Variants in SNTG1 observed in about 807,000 individuals in gnomAD.
SNTG1 encodes the protein gamma-1-syntrophin.
A neutral mutation model predicts 74.7 loss-of-function variants in SNTG1; 39 were observed. That is an observed-to-expected ratio of 0.52 (90% confidence interval 0.40 to 0.68). The LOEUF (loss-of-function observed/expected upper bound fraction) is 0.68, where lower values mean the gene tolerates loss of function less well. SNTG1 is among the 30% of genes least tolerant of loss of function. The probability of loss-of-function intolerance (pLI) is 0.00; values close to 1 mark genes in which losing one functional copy is unlikely to be tolerated. For synonymous variants in SNTG1, 254 were observed against 217.1 expected (o/e 1.17, Z -1.49); for missense variants, 685 against 609.5 (o/e 1.12, Z -1.30).
At chr8:50,020,255 A>T (rs1229142371) in intron 1 of SNTG1, among the ~76,000 whole-genome samples, 2 of 152,154 alleles carry the variant, frequency 1.3e-5, no homozygotes, top group African/African-American at 2.4e-5. Flanking sequence ...ATTAGAGAAG[A>T]TAACGCTTCC....
intron 2 of SNTG1, among the ~76,000 whole-genome samples, chr8:50,267,417 A>T (rs1307913442): frequency 2.6e-5 from 4 of 152,198 alleles, no homozygotes; most frequent in African/African-American, 9.6e-5. Context: ...AAGATATTCA[A>T]CATCGCCAGT....
chr8:50,426,159 A>G (rs1247616515), intron 4 of SNTG1, among the ~76,000 whole-genome samples: 1 of 152,138 alleles, frequency 6.6e-6, no homozygotes, highest in African/African-American at 2.4e-5. Flanking sequence ...TCCATAGTGT[A>G]TTTAGATTTT....
chr8:50,137,327 G>A (rs961381671), intron 1 of SNTG1, among the ~76,000 whole-genome samples: 7 of 152,052 alleles, frequency 4.6e-5, no homozygotes, highest in African/African-American at 1.4e-4. Flanking sequence ...CTGATGGGAC[G>A]CTCTGAGTCC....
At chr8:50,307,311 C>A (rs1322761762) in intron 2 of SNTG1, among the ~76,000 whole-genome samples, 1 of 151,810 alleles carries the variant, frequency 6.6e-6, no homozygotes, top group Non-Finnish European at 1.5e-5. Context: ...GTGATTGTAC[C>A]TAGGGTTATA....
Position 50,462,793 on chromosome 8 carries a change from ACT to A in SNTG1, c.363+12067_363+12068del, listed in dbSNP as rs770262781. On this transcript the variant is annotated intron_variant, in intron 8 of 18. Coordinates refer to ENST00000642720, the MANE Select transcript of SNTG1 (RefSeq NM_018967.5). ...CAACTCAGTCGCATCTTCAGGTTCT[ACT>A]CTTTTTTTTTTTTTTTTTTTTTTTT... 4.7e-4 allele frequency among the ~76,000 whole-genome samples: 9 copies of A among 18,988 alleles called. 1 individual carries two copies. Among genetic ancestry groups the A allele is most frequent in the East Asian group, 3.1e-3 (1 of 320 alleles). The allele number at this position is 18,988 out of a possible 152,430, so 12.5% of individuals were successfully genotyped here.
intron 15 of SNTG1, among the ~76,000 whole-genome samples, chr8:50,660,925 G>C (rs1462710720): frequency 6.6e-6 from 1 of 151,952 alleles, no homozygotes; most frequent in Non-Finnish European, 1.5e-5. Flanking sequence ...GACAGTTAAT[G>C]TTCCTTAAAA....
At chr8:50,502,746 G>A in intron 8 of SNTG1, 32 bp from the exon 9 acceptor site, 2 of 1,541,432 alleles carry the variant, frequency 1.3e-6, no homozygotes, top group Non-Finnish European at 1.8e-6. Flanking sequence ...TAAATGTAAT[G>A]ATGATTGTAT....
At chr8:50,002,323 T>G (rs1814817503) in intron 1 of SNTG1, among the ~76,000 whole-genome samples, 1 of 152,186 alleles carries the variant, frequency 6.6e-6, no homozygotes, top group Non-Finnish European at 1.5e-5. Context: ...CCATGTTGTC[T>G]TCCCAAGTAC....
chr8:50,616,318 C>T (rs887329506), intron 13 of SNTG1, among the ~76,000 whole-genome samples: 2 of 152,090 alleles, frequency 1.3e-5, no homozygotes, highest in African/African-American at 2.4e-5. Flanking sequence ...AAAGAGAAGT[C>T]GGTACTTAGC....
chr8:49,940,342 G>T (rs1808571000), intron 1 of SNTG1, among the ~76,000 whole-genome samples: 1 of 152,174 alleles, frequency 6.6e-6, no homozygotes, highest in Non-Finnish European at 1.5e-5. Context: ...CTCTTGGGGT[G>T]GGTGGTGGTT....
intron 8 of SNTG1, among the ~76,000 whole-genome samples, chr8:50,465,759 C>T (rs558344676): frequency 1.0e-3 from 152 of 152,190 alleles, no homozygotes; most frequent in Non-Finnish European, 2.0e-3. Context: ...AGATTTATGA[C>T]TTTTTTCCTG....
intron 4 of SNTG1, among the ~76,000 whole-genome samples, chr8:50,404,725 G>A (rs2092849778): frequency 6.6e-6 from 1 of 151,556 alleles, no homozygotes; most frequent in Admixed American, 6.6e-5. Flanking sequence ...CATTCATTTT[G>A]TTGTGTAACT....
intron 15 of SNTG1, among the ~76,000 whole-genome samples, chr8:50,660,534 G>C (rs1018718268): frequency 1.6e-5 from 2 of 121,958 alleles, no homozygotes; most frequent in Non-Finnish European, 3.2e-5. Flanking sequence ...GGAGAAGGAA[G>C]GAAGGAAAGA....
At chr8:50,264,386 G>C (rs1188969837) in intron 2 of SNTG1, among the ~76,000 whole-genome samples, 1 of 151,808 alleles carries the variant, frequency 6.6e-6, no homozygotes, top group Non-Finnish European at 1.5e-5. Flanking sequence ...TGACCAACAT[G>C]GTGAAACCCC....
At chr8:50,551,797 C>T (rs987475831) in intron 11 of SNTG1, among the ~76,000 whole-genome samples, 6 of 152,044 alleles carry the variant, frequency 3.9e-5, no homozygotes, top group Non-Finnish European at 8.8e-5. Context: ...AAGCACATCC[C>T]TTTTTTCATT....
At chr8:50,090,507 G>T (rs1217833766) in intron 1 of SNTG1, among the ~76,000 whole-genome samples, 4 of 152,152 alleles carry the variant, frequency 2.6e-5, no homozygotes, top group African/African-American at 7.2e-5. Flanking sequence ...TCTGCAGAAG[G>T]TTCTCTAGAA....
At chr8:50,674,099 A>G (rs946666774) in intron 15 of SNTG1, among the ~76,000 whole-genome samples, 1 of 151,630 alleles carries the variant, frequency 6.6e-6, no homozygotes, top group Non-Finnish European at 1.5e-5. Context: ...TGAAGATTTC[A>G]CATCAATATT....
intron 1 of SNTG1, among the ~76,000 whole-genome samples, chr8:50,022,404 T>C (rs1366911904): frequency 6.6e-6 from 1 of 152,138 alleles, no homozygotes; most frequent in Non-Finnish European, 1.5e-5. Flanking sequence ...ATGCTGCCAG[T>C]GAAGTAATGT....
intron 2 of SNTG1, among the ~76,000 whole-genome samples, chr8:50,381,592 G>GTGTATATA (rs1217355515): frequency 1.0e-5 from 1 of 98,016 alleles, no homozygotes; most frequent in South Asian, 3.4e-4. Flanking sequence ...GTGTGTGTGT[G>GTGTATATA]TATATATATA....
Sources: allele counts gnomAD v4.1 joint callset (sites outside exome capture counted in the v4.1 genomes callset), GRCh38; gene constraint gnomAD v4.1.1; transcripts MANE v1.5; gene names NCBI Gene and HGNC (gene_info 2026-07-23, HGNC 2026-07-21).